COL18A1: variants seen among roughly 807,000 people sequenced by gnomAD.
COL18A1 encodes the protein collagen type XVIII alpha 1 chain, also known as collagen alpha-1(XVIII) chain.
COL18A1 carries 133 observed loss-of-function variants against 168.0 expected under a neutral mutation model. The ratio of observed to expected loss-of-function variants is 0.79; its 90% confidence interval spans 0.69 to 0.91. The LOEUF (loss-of-function observed/expected upper bound fraction) is 0.91. COL18A1 is among the 40% of genes least tolerant of loss of function. COL18A1 has a pLI of 0.00. For synonymous variants in COL18A1, 949 were observed against 809.0 expected, an observed-to-expected ratio of 1.17 and a Z score of -2.94; for missense variants, 2,126 against 1,925.4, an observed-to-expected ratio of 1.10 and a Z score of -1.95.
intron 14 of COL18A1, 58 bp downstream of exon 14, chr21:45,482,083 G>A: frequency 7.1e-7 from 1 of 1,403,218 alleles, no homozygotes; most frequent in Non-Finnish European, 1.0e-6. Context: ...ATGTGGCCCG[G>A]GTCCGGGGGT....
rs754264326 is a variant in COL18A1, at chr21:45,437,320, G to GCA, written c.107-30910_107-30909dup. ...CACACACTCACACAGGCACTCTCCT[G>GCA]CACACACACACACTCAGACACACAG... On this transcript the variant is annotated intron_variant, in intron 2 of 41. Transcript: ENST00000651438. Among the ~76,000 whole-genome samples the GCA allele has an allele frequency of 9.8e-3, 654 of 66,958 alleles. 12 individuals are homozygous for GCA. The highest frequency in any genetic ancestry group is 0.013 in the Non-Finnish European group (499 of 38,414). The allele number at this position is 66,958 out of a possible 152,430, so 43.9% of individuals were successfully genotyped here.
At chr21:45,507,112 G>C in intron 37 of COL18A1, 1 of 334,624 alleles carries the variant, frequency 3.0e-6, no homozygotes, top group Non-Finnish European at 5.9e-6. Flanking sequence ...GGACTGGGAG[G>C]GCTGGGTGCT....
intron 2 of COL18A1, among the ~76,000 whole-genome samples, chr21:45,452,787 C>CATGCATGTATATATGTGATTGTGT (rs2034658993): frequency 6.8e-6 from 1 of 147,996 alleles, no homozygotes; most frequent in Non-Finnish European, 1.5e-5. Context: ...GACGTGTGAG[C>CATGCATGTATATATGTGATTGTGT]ATGCATGTAC....
At chr21:45,437,463 C>CACTCACACAG (rs2034174067) in intron 2 of COL18A1, among the ~76,000 whole-genome samples, 2 of 23,182 alleles carry the variant, frequency 8.6e-5, no homozygotes, top group Non-Finnish European at 1.6e-4. Context: ...CAGACAGACA[C>CACTCACACAG]ACAGGCACTC....
chr21:45,506,003 A>C, intron 37 of COL18A1, 37 bp downstream of exon 37: 1 of 1,612,454 alleles, frequency 6.2e-7, no homozygotes, highest in Non-Finnish European at 8.5e-7. Flanking sequence ...GACCCGTGGA[A>C]GGGCCGAAGC....
chr21:45,428,903 CTT>C (rs35500358), intron 2 of COL18A1, among the ~76,000 whole-genome samples: 3,393 of 145,476 alleles, frequency 0.023, 58 homozygotes, highest in Middle Eastern at 0.064. Flanking sequence ...TCTTTCTTTT[CTT>C]TTTTTTTTTT....
chr21:45,481,920 G>A, intron 13 of COL18A1, 43 bp from the exon 14 acceptor site: 3 of 1,420,598 alleles, frequency 2.1e-6, no homozygotes, highest in Non-Finnish European at 3.0e-6. Context: ...TCGTTTTAGT[G>A]GCCGAATGCC....
intron 2 of COL18A1, among the ~76,000 whole-genome samples, chr21:45,466,958 A>T (rs946737507): frequency 6.6e-6 from 1 of 152,128 alleles, no homozygotes; most frequent in Non-Finnish European, 1.5e-5. Flanking sequence ...GAGAAAAAGG[A>T]TCATTGTAAC....
chr21:45,480,923 C>T (rs535821992), intron 13 of COL18A1, 65 bp downstream of exon 13: 41 of 1,542,776 alleles, frequency 2.7e-5, no homozygotes, highest in Admixed American at 1.9e-5. Context: ...GTGAACACCC[C>T]ACATGGGAGC....
intron 40 of COL18A1, among the ~76,000 whole-genome samples, 167 bp from the exon 41 acceptor site, chr21:45,510,944 C>CA (rs1295840304): frequency 7.0e-4 from 20 of 28,574 alleles, no homozygotes; most frequent in African/African-American, 6.0e-3. Context: ...AAAAAACACA[C>CA]ACCCACAACA....
chr21:45,476,921 T>TTGCGTGTG (rs1555860229), intron 6 of COL18A1, among the ~76,000 whole-genome samples: 1 of 146,860 alleles, frequency 6.8e-6, no homozygotes, highest in African/African-American at 2.5e-5. Flanking sequence ...ATTATGTGTT[T>TTGCGTGTG]TGTGTGTGTG....
intron 2 of COL18A1, among the ~76,000 whole-genome samples, chr21:45,441,785 C>G (rs1479359104): frequency 6.6e-6 from 1 of 152,268 alleles, no homozygotes; most frequent in African/African-American, 2.4e-5. Context: ...TGATATGCAA[C>G]TATTTCCAGC....
At chr21:45,472,810 C>T (rs78003394) in intron 3 of COL18A1, among the ~76,000 whole-genome samples, 4 of 152,048 alleles carry the variant, frequency 2.6e-5, no homozygotes, top group Admixed American at 6.5e-5. Context: ...CACACCCCCC[C>T]ACGCATGAGC....
At chr21:45,413,358 C>A (rs1214673728) in intron 2 of COL18A1, among the ~76,000 whole-genome samples, 1 of 152,276 alleles carries the variant, frequency 6.6e-6, no homozygotes, top group African/African-American at 2.4e-5. Flanking sequence ...TGCACCATGA[C>A]AGGCTTCAAC....
intron 2 of COL18A1, among the ~76,000 whole-genome samples, chr21:45,453,341 ATGCATG>A (rs2034695047): frequency 6.6e-6 from 1 of 152,244 alleles, no homozygotes; most frequent in South Asian, 2.1e-4. Flanking sequence ...ATAGCTAAGC[ATGCATG>A]TGCATGTGTT....
chr21:45,472,070 C>T (rs2035451985), intron 3 of COL18A1, among the ~76,000 whole-genome samples: 2 of 152,164 alleles, frequency 1.3e-5, no homozygotes, highest in South Asian at 2.1e-4. Flanking sequence ...GCGCTGTGGC[C>T]ACCTGTGGGG....
At chr21:45,479,010 C>T (rs766411476) in intron 9 of COL18A1, among the ~76,000 whole-genome samples, 1 of 152,180 alleles carries the variant, frequency 6.6e-6, no homozygotes, top group East Asian at 1.9e-4. Flanking sequence ...ATGAGGACCA[C>T]GGCAGACAAA....
At position 45,498,564 on chromosome 21, in the gene COL18A1, A is replaced by G. The variant is rs1344326943; in HGVS notation, c.2683+903A>G. On this transcript the variant is annotated intron_variant, in intron 32 of 41. Coordinates refer to ENST00000651438, the MANE Select transcript of COL18A1 (RefSeq NM_001379500.1). The surrounding 1 kb of genome is among the most constrained non-coding windows in gnomAD (Gnocchi z 4.5). ...GCTGGGGCTGCACTCTGGGGTGGGA[A>G]GGGACCAGGCAGGCAGAGGCCGAGT... 2.8e-6 allele frequency: 2 copies of G among 716,732 alleles called. No homozygotes were observed. Among genetic ancestry groups the G allele is most frequent in the Non-Finnish European group, 5.2e-6 (2 of 384,948 alleles). 44.4% of individuals were successfully genotyped at this position (716,732 alleles called of 1,614,324 possible). A position where few individuals can be genotyped will look rare whatever the true frequency, so the allele number is the denominator to read the frequency against.
chr21:45,428,411 C>T (rs2838927), intron 2 of COL18A1, among the ~76,000 whole-genome samples: 24,512 of 152,214 alleles, frequency 0.16, 2,473 homozygotes, highest in African/African-American at 0.28. Context: ...CACCAGTTTC[C>T]ACCCTGGCAT....
Sources: allele counts gnomAD v4.1 joint callset (sites outside exome capture counted in the v4.1 genomes callset), GRCh38; gene constraint gnomAD v4.1.1; non-coding constraint Gnocchi (gnomAD v3.1); transcripts MANE v1.5; gene names NCBI Gene and HGNC (gene_info 2026-07-23, HGNC 2026-07-21).